Variants in SOX5 observed in about 807,000 individuals in gnomAD.
SOX5 encodes the protein transcription factor SOX-5.
SOX5 carries 9 observed loss-of-function variants against 92.0 expected under a neutral mutation model. The observed-to-expected ratio is 0.10, with a 90% CI of 0.06 to 0.17. The LOEUF (loss-of-function observed/expected upper bound fraction) is 0.17, where lower values mean the gene tolerates loss of function less well. Ranked by LOEUF, SOX5 falls within the 10% of genes least tolerant of loss-of-function variation. The pLI, the probability that SOX5 is intolerant of heterozygous loss-of-function variation, is 1.00. For synonymous variants in SOX5, 344 were observed against 336.3 expected (o/e 1.02, Z -0.25); for missense variants, 642 against 944.5 (o/e 0.68, Z 4.20).
At position 23,970,841 on chromosome 12, in the gene SOX5, A is replaced by ATATAAAATT; in HGVS notation, c.-1-74818_-1-74817insAATTTTATA. Among the ~76,000 whole-genome samples the ATATAAAATT allele has an allele frequency of 4.1e-4, 9 of 21,878 alleles. 2 individuals carry two copies. Among genetic ancestry groups the ATATAAAATT allele is most frequent in the Admixed American group, 1.5e-3 (2 of 1,296 alleles). 14.4% of individuals were successfully genotyped at this position (21,878 alleles called of 152,430 possible). On this transcript the variant is annotated intron_variant, in intron 4 of 4. Transcript: ENST00000446891. Reference sequence around the variant, plus strand: ...ACATGGGACTTTATATATATATATAATTTTTTTTTTTTTTTAAGAAATGGG... The same window carrying ATATAAAATT: ...ACATGGGACTTTATATATATATATAATATAAAATTTTTTTTTTTTTTTTTAAGAAATGGG...
At chr12:23,753,868 C>A (rs993168324) in intron 4 of SOX5, among the ~76,000 whole-genome samples, 2 of 151,782 alleles carry the variant, frequency 1.3e-5, no homozygotes, top group African/African-American at 4.8e-5. Flanking sequence ...CTGTCATGGG[C>A]AGTCAGTAGG....
chr12:23,684,048 AT>A (rs1566958548), intron 6 of SOX5, among the ~76,000 whole-genome samples: 2 of 152,016 alleles, frequency 1.3e-5, no homozygotes, highest in Admixed American at 6.6e-5. Context: ...AAGATAATGC[AT>A]TTTAGCATCT....
intron 1 of SOX5, among the ~76,000 whole-genome samples, chr12:24,468,955 G>A (rs2137598436): frequency 6.6e-6 from 1 of 152,286 alleles, no homozygotes; most frequent in South Asian, 2.1e-4. Flanking sequence ...AGGGTGGAAG[G>A]ATGGTTTGAG....
chr12:23,776,298 T>A (rs2095097051), intron 3 of SOX5, among the ~76,000 whole-genome samples: 1 of 152,180 alleles, frequency 6.6e-6, no homozygotes, highest in South Asian at 2.1e-4. Flanking sequence ...CTGTCTTATA[T>A]TGCTATAGGA....
intron 1 of SOX5, among the ~76,000 whole-genome samples, chr12:24,440,923 T>C (rs2137182682): frequency 6.6e-6 from 1 of 152,308 alleles, no homozygotes; most frequent in East Asian, 1.9e-4. Flanking sequence ...TTATTGGATA[T>C]CCTGGTGTTT....
chr12:24,447,633 G>A (rs1172706835), intron 1 of SOX5, among the ~76,000 whole-genome samples: 3 of 152,102 alleles, frequency 2.0e-5, no homozygotes, highest in Non-Finnish European at 2.9e-5. Context: ...AACATAATAT[G>A]TTAACAACAA....
At chr12:23,599,860 T>A (rs1314972980) in intron 9 of SOX5, among the ~76,000 whole-genome samples, 1 of 152,202 alleles carries the variant, frequency 6.6e-6, no homozygotes, top group Non-Finnish European at 1.5e-5. Flanking sequence ...AGAAATAATT[T>A]ATTCTTAGAA....
intron 4 of SOX5, among the ~76,000 whole-genome samples, chr12:23,972,575 T>A (rs567340466): frequency 6.6e-6 from 1 of 152,218 alleles, no homozygotes; most frequent in East Asian, 1.9e-4. Flanking sequence ...GCCAGGCTAG[T>A]CTCGAACTCC....
chr12:24,350,125 C>A (rs1189016586), intron 2 of SOX5, among the ~76,000 whole-genome samples: 1 of 152,164 alleles, frequency 6.6e-6, no homozygotes, highest in Non-Finnish European at 1.5e-5. Flanking sequence ...AAACAGGCAA[C>A]AGAATCAAGG....
intron 3 of SOX5, among the ~76,000 whole-genome samples, chr12:23,788,933 A>T (rs1345320052): frequency 2.0e-5 from 3 of 152,010 alleles, no homozygotes; most frequent in Non-Finnish European, 4.4e-5. Context: ...GAAACCTAAT[A>T]CAAGATAAAA....
At chr12:24,477,899 A>C (rs947473923) in intron 1 of SOX5, among the ~76,000 whole-genome samples, 1 of 152,182 alleles carries the variant, frequency 6.6e-6, no homozygotes, top group Non-Finnish European at 1.5e-5. Context: ...AAAACAAAAA[A>C]GTTACCTTTA....
At chr12:23,606,265 T>C (rs1191141458) in intron 8 of SOX5, among the ~76,000 whole-genome samples, 1 of 151,858 alleles carries the variant, frequency 6.6e-6, no homozygotes, top group Non-Finnish European at 1.5e-5. Context: ...AATATTGAAT[T>C]TAAAAACTAT....
chr12:24,339,657 T>C (rs1179084198), intron 2 of SOX5, among the ~76,000 whole-genome samples: 1 of 152,230 alleles, frequency 6.6e-6, no homozygotes, highest in Non-Finnish European at 1.5e-5. Context: ...AAAACTGTTA[T>C]GTGGCAACTA....
At chr12:23,694,156 C>G (rs959820041) in intron 6 of SOX5, among the ~76,000 whole-genome samples, 1 of 152,138 alleles carries the variant, frequency 6.6e-6, no homozygotes, top group East Asian at 1.9e-4. Context: ...AATGATTTGC[C>G]TTTTCATGAC....
chr12:23,732,534 G>A lies in SOX5; in HGVS notation c.810+2150C>T, dbSNP rs550847123. ...TCAGTACTTATTTGTTGCCTGAAAG[G>A]GTTTTGACTCTGTCAGTTTCATTTA... is the stretch of plus-strand genomic sequence containing the variant. On this transcript the variant is annotated intron_variant, in intron 6 of 14. Transcript: ENST00000451604. 2.6e-5 allele frequency among the ~76,000 whole-genome samples: 4 copies of A among 152,084 alleles called. No individual in the cohort carries two copies. In the South Asian group the frequency reaches 8.3e-4, roughly 32 times the overall value.
At chr12:24,426,794 G>A (rs1451073686) in intron 1 of SOX5, among the ~76,000 whole-genome samples, 1 of 152,016 alleles carries the variant, frequency 6.6e-6, no homozygotes, top group Non-Finnish European at 1.5e-5. Context: ...TAAGTCTCGG[G>A]GAATCTTCTC....
chr12:24,510,640 G>T (rs963245212), intron 1 of SOX5, among the ~76,000 whole-genome samples: 3 of 152,188 alleles, frequency 2.0e-5, no homozygotes, highest in African/African-American at 7.2e-5. Flanking sequence ...ACACGTGCCT[G>T]GGCCACAGCC....
intron 1 of SOX5, among the ~76,000 whole-genome samples, chr12:24,539,121 A>G (rs1353894473): frequency 6.6e-6 from 1 of 152,184 alleles, no homozygotes; most frequent in Non-Finnish European, 1.5e-5. Flanking sequence ...AAAACTTTAC[A>G]AAAACAAATT....
At position 24,136,647 on chromosome 12, in the gene SOX5, G is replaced by T. The variant is rs529453097; in HGVS notation, c.-2+76696C>A. Among the ~76,000 whole-genome samples the T allele has an allele frequency of 7.0e-4, 107 of 152,320 alleles. No individual in the cohort carries two copies. In the Middle Eastern group the frequency reaches 0.01, roughly 15 times the overall value. On this transcript the variant is annotated intron_variant, in intron 4 of 4. Transcript: ENST00000446891. ...AGTGAGGGGGAAGGTGGGGAGGGCA[G>T]TCTTGGCTGATCAAGGCATCTTTCA...
Sources: gnomAD v4.1 joint callset for allele counts (sites outside exome capture counted in the v4.1 genomes callset) on GRCh38, gnomAD v4.1.1 for gene constraint, MANE v1.5 for transcripts, NCBI Gene and HGNC (gene_info 2026-07-23, HGNC 2026-07-21) for gene names.